Variants in RXRA observed in about 807,000 individuals in gnomAD.
RXRA encodes the protein retinoic acid receptor RXR-alpha.
RXRA carries 5 observed loss-of-function variants against 44.5 expected under a neutral mutation model. The ratio of observed to expected loss-of-function variants is 0.11; its 90% CI spans 0.06 to 0.24. The LOEUF (loss-of-function observed/expected upper bound fraction) is 0.24. Ranked by LOEUF, RXRA falls within the 10% of genes least tolerant of loss-of-function variation. RXRA has a pLI of 1.00. For synonymous variants in RXRA, 291 were observed against 271.4 expected (o/e 1.07, Z -0.71); for missense variants, 412 against 646.5 (o/e 0.64, Z 3.93).
At position 134,436,748 on chromosome 9, in the gene RXRA, G is replaced by A. The variant is rs146863486; in HGVS notation, c.*134G>A. On this transcript the variant is annotated 3_prime_UTR_variant, in exon 10 of 10. Transcript: ENST00000481739. ...GGACTTTGGGGCACAGCCTGTCACT[G>A]CTCTGCCTAAGAGATGTGTTGTCAC... 22 of 939,562 alleles carry A rather than the reference G, an allele frequency of 2.3e-5. No homozygotes were observed. The African/African-American group carries it at 3.4e-4, about 15-fold the overall frequency. The allele number at this position is 939,562 out of a possible 1,614,324, so 58.2% of individuals were successfully genotyped here. A position where few individuals can be genotyped will look rare whatever the true frequency, so the allele number is the denominator to read the frequency against.
At chr9:134,403,537 C>G (rs537082713) in intron 2 of RXRA, 15 of 152,434 alleles carry the variant, frequency 9.8e-5, no homozygotes, top group African/African-American at 3.6e-4. Flanking sequence ...ATGCCCCTTG[C>G]TGGGTCCTCC....
intron 6 of RXRA, chr9:134,424,666 G>A (rs1234446477): frequency 6.1e-6 from 6 of 985,334 alleles, no homozygotes; most frequent in African/African-American, 1.7e-5. Context: ...TGAAGCACAC[G>A]TCCAATTCAG....
At chr9:134,329,337 C>T (rs185111900) in intron 1 of RXRA, among the ~76,000 whole-genome samples, 47 of 152,368 alleles carry the variant, frequency 3.1e-4, no homozygotes, top group African/African-American at 6.5e-4. Context: ...TCGGGCCTGA[C>T]GAGGGCGTCT....
At position 134,333,599 on chromosome 9, in the gene RXRA, A is replaced by T. The variant is rs532105109; in HGVS notation, c.28+6940A>T. ...GATAAACCCTCGGAGTTCAAAGACA[A>T]CCCCGGGTGCGGCCGCCGGCTGTAA... On this transcript the variant is annotated intron_variant, in intron 1 of 9. Transcript: ENST00000481739. Among the ~76,000 whole-genome samples the T allele has an allele frequency of 3.3e-5, 5 of 152,044 alleles. No individual in the cohort carries two copies. The East Asian group carries it at 9.7e-4, about 29-fold the overall frequency.
chr9:134,352,039 C>T (rs1467759414), intron 1 of RXRA, among the ~76,000 whole-genome samples: 4 of 152,160 alleles, frequency 2.6e-5, no homozygotes, highest in African/African-American at 7.2e-5. Context: ...AGCCAGAGGG[C>T]GGCTCGGGGC....
At chr9:134,425,151 G>A (rs776930816) in intron 6 of RXRA, 2 of 985,386 alleles carry the variant, frequency 2.0e-6, no homozygotes, top group Non-Finnish European at 2.4e-6. Context: ...GGGGTGCAGT[G>A]GCCACAGCCC....
intron 1 of RXRA, among the ~76,000 whole-genome samples, chr9:134,394,245 A>G (rs905918760): frequency 1.2e-3 from 60 of 50,640 alleles, no homozygotes; most frequent in Middle Eastern, 0.015. Context: ...GGTGGTGATG[A>G]CGGTGGTGAT....
At position 134,349,863 on chromosome 9, in the gene RXRA, G is replaced by A. The variant is rs904894558; in HGVS notation, c.28+23204G>A. Among the ~76,000 whole-genome samples, 77 of 152,236 alleles carry A rather than the reference G, an allele frequency of 5.1e-4. No homozygotes were observed. Among genetic ancestry groups the A allele is most frequent in the African/African-American group, 1.8e-3 (75 of 41,540 alleles). ...CGCAGGCTCTCCTGTGGTAGGAGTC[G>A]GGTGGACAGTTTGCACGATCTCATC... On this transcript the variant is annotated intron_variant, in intron 1 of 9. Coordinates refer to ENST00000481739, the MANE Select transcript of RXRA (RefSeq NM_002957.6). The surrounding 1 kb of genome is among the most constrained non-coding windows in gnomAD (Gnocchi z 4.3).
At chr9:134,401,105 G>A (rs985227629) in intron 1 of RXRA, among the ~76,000 whole-genome samples, 6 of 152,216 alleles carry the variant, frequency 3.9e-5, no homozygotes, top group African/African-American at 1.4e-4. Flanking sequence ...GAGAATCATG[G>A]TGCTCACTGC....
Position 134,343,217 on chromosome 9 carries a change from C to CT in RXRA, c.28+16561dup, listed in dbSNP as rs1830108278. Among the ~76,000 whole-genome samples, 2 of 152,166 alleles carry CT rather than the reference C, an allele frequency of 1.3e-5. No homozygotes were observed. The highest frequency in any genetic ancestry group is 1.3e-4 in the Admixed American group (2 of 15,290). ...GCGTGTCTCTCTCTCTGAGTGTCGA[C>CT]TTTCTCATCTGTGACGTGGGGTGAG... On this transcript the variant is annotated intron_variant, in intron 1 of 9. Coordinates refer to ENST00000481739, the MANE Select transcript of RXRA (RefSeq NM_002957.6). This position sits in a 1 kb window ranked among gnomAD's most constrained non-coding sequence, Gnocchi z 4.1.
chr9:134,374,717 C>G (rs1251609333), intron 1 of RXRA, among the ~76,000 whole-genome samples: 3 of 152,266 alleles, frequency 2.0e-5, no homozygotes, highest in Non-Finnish European at 4.4e-5. Context: ...CTGGCGACTT[C>G]CTTCTTCAGT....
In RXRA at chr9:134,342,363, G is replaced by A. The variant is rs1462192855; in HGVS notation, c.28+15704G>A. 2.6e-5 allele frequency among the ~76,000 whole-genome samples: 4 copies of A among 152,272 alleles called. No homozygotes were observed. Among genetic ancestry groups the A allele is most frequent in the African/African-American group, 9.6e-5 (4 of 41,574 alleles). ...GCCCTCATTTACAGAGGGGGCCTGG[G>A]CTCAGAGAGGCTGAGCCGATCTTCA... On this transcript the variant is annotated intron_variant, in intron 1 of 9. Transcript: ENST00000481739. This position sits in a 1 kb window ranked among gnomAD's most constrained non-coding sequence, Gnocchi z 4.4.
chr9:134,379,953 C>T, intron 1 of RXRA: 1 of 985,262 alleles, frequency 1.0e-6, no homozygotes, highest in South Asian at 4.7e-5. Context: ...CAGCCTGCTC[C>T]CCTGGGGGTT....
At chr9:134,362,989 T>C (rs1830370983) in intron 1 of RXRA, among the ~76,000 whole-genome samples, 1 of 152,236 alleles carries the variant, frequency 6.6e-6, no homozygotes, top group East Asian at 1.9e-4. Context: ...AAATCCTTGC[T>C]CTTGTTAATT....
chr9:134,434,300 G>A lies in RXRA; in HGVS notation c.1241+93G>A, dbSNP rs970676936. On this transcript the variant is annotated intron_variant, in intron 9 of 9. Coordinates refer to ENST00000481739, the MANE Select transcript of RXRA (RefSeq NM_002957.6). ...CAAGGCCATTTTATGTGAATGAGAA[G>A]GTGGCACCCTCCCCAGGCCCAGCCC... 13 of 892,640 alleles carry A rather than the reference G, an allele frequency of 1.5e-5. No homozygotes were observed. The African/African-American group carries it at 1.8e-4, about 12-fold the overall frequency. The allele number at this position is 892,640 out of a possible 1,614,324, so 55.3% of individuals were successfully genotyped here.
chr9:134,327,286 G>A (rs1834931761), intron 1 of RXRA, among the ~76,000 whole-genome samples: 2 of 152,172 alleles, frequency 1.3e-5, no homozygotes, highest in South Asian at 4.1e-4. Context: ...GGCACCCCCG[G>A]GTGTTCTCCC....
At chr9:134,362,458 C>G (rs114466832) in intron 1 of RXRA, among the ~76,000 whole-genome samples, 1 of 152,222 alleles carries the variant, frequency 6.6e-6, no homozygotes, top group Admixed American at 6.5e-5. Flanking sequence ...AGCGGCTTGT[C>G]CAAGGTTTGG....
intron 1 of RXRA, among the ~76,000 whole-genome samples, chr9:134,327,158 C>CT (rs1168750167): frequency 1.3e-5 from 2 of 152,130 alleles, no homozygotes; most frequent in Non-Finnish European, 2.9e-5. Flanking sequence ...AGGAAACAGA[C>CT]TGGGACCCTG....
intron 5 of RXRA, among the ~76,000 whole-genome samples, chr9:134,419,820 C>T (rs1157141274): frequency 1.3e-5 from 2 of 152,212 alleles, no homozygotes; most frequent in African/African-American, 2.4e-5. Context: ...CAGGCCTAGC[C>T]CTGCTGGTAC....
Sources: allele counts gnomAD v4.1 joint callset (sites outside exome capture counted in the v4.1 genomes callset), GRCh38; gene constraint gnomAD v4.1.1; non-coding constraint Gnocchi (gnomAD v3.1); transcripts MANE v1.5; gene names NCBI Gene and HGNC (gene_info 2026-07-23, HGNC 2026-07-21).